The following NECAB1 variants were observed in gnomAD, a reference collection of about 807,000 sequenced individuals.
The protein encoded by NECAB1 is N-terminal EF-hand calcium-binding protein 1.
In NECAB1, 29 loss-of-function variants were observed where a neutral mutation model predicts 57.5. The ratio of observed to expected loss-of-function variants is 0.50; its 90% CI spans 0.38 to 0.69. The LOEUF is 0.69. NECAB1 is among the 30% of genes least tolerant of loss of function. The probability of loss-of-function intolerance (pLI) is 0.00; values close to 1 mark genes in which losing one functional copy is unlikely to be tolerated. For synonymous variants in NECAB1, 142 were observed against 147.7 expected (o/e 0.96, Z 0.28); for missense variants, 372 against 413.8 (o/e 0.90, Z 0.88).
At chr8:90,941,834 C>T (rs1281009941) in intron 10 of NECAB1, among the ~76,000 whole-genome samples, 1 of 152,226 alleles carries the variant, frequency 6.6e-6, no homozygotes, top group East Asian at 1.9e-4. Context: ...TGCACTGCCT[C>T]AAGTTCAGAG....
intron 3 of NECAB1, among the ~76,000 whole-genome samples, chr8:90,841,268 T>TAA (rs144396332): frequency 1.4e-5 from 2 of 140,484 alleles, no homozygotes; most frequent in Non-Finnish European, 3.2e-5. Context: ...TCAAAAAAAA[T>TAA]AAAAAAAAAA....
At chr8:90,937,208 T>C (rs1810559276) in intron 9 of NECAB1, among the ~76,000 whole-genome samples, 2 of 152,170 alleles carry the variant, frequency 1.3e-5, no homozygotes, top group South Asian at 4.1e-4. Flanking sequence ...AAAGCATCTT[T>C]AATGTGTTTG....
intron 1 of NECAB1, among the ~76,000 whole-genome samples, chr8:90,793,851 CA>C (rs1344272901): frequency 6.6e-5 from 10 of 152,328 alleles, no homozygotes; most frequent in African/African-American, 2.4e-4. Flanking sequence ...CTGACTCATA[CA>C]CCAGCCATTG....
chr8:90,854,502 A>C (rs1504795), intron 3 of NECAB1, among the ~76,000 whole-genome samples: 1 of 151,986 alleles, frequency 6.6e-6, no homozygotes, highest in Non-Finnish European at 1.5e-5. Context: ...AAAAATACCA[A>C]GGAATCCTGA....
intron 4 of NECAB1, among the ~76,000 whole-genome samples, chr8:90,874,532 T>G (rs1031104627): frequency 3.9e-5 from 6 of 152,210 alleles, no homozygotes; most frequent in African/African-American, 1.4e-4. Flanking sequence ...ACTTGGAACA[T>G]ATTCTTCCAG....
chr8:90,809,570 C>T (rs964057022), intron 2 of NECAB1, among the ~76,000 whole-genome samples: 1 of 152,180 alleles, frequency 6.6e-6, no homozygotes, highest in Non-Finnish European at 1.5e-5. Flanking sequence ...GAGATGAAGG[C>T]ATTTACTGAC....
intron 2 of NECAB1, among the ~76,000 whole-genome samples, chr8:90,808,344 A>C (rs1309554040): frequency 6.6e-6 from 1 of 152,146 alleles, no homozygotes; most frequent in Non-Finnish European, 1.5e-5. Flanking sequence ...CCTGCAATTT[A>C]ATCGTCTACT....
intron 10 of NECAB1, among the ~76,000 whole-genome samples, chr8:90,942,573 A>G (rs1265902831): frequency 6.6e-6 from 1 of 152,230 alleles, no homozygotes; most frequent in Admixed American, 6.5e-5. Context: ...GAGCCCACTC[A>G]TTTGAAAATA....
chr8:90,855,968 G>T (rs1481132075), intron 3 of NECAB1, among the ~76,000 whole-genome samples: 1 of 152,096 alleles, frequency 6.6e-6, no homozygotes, highest in Non-Finnish European at 1.5e-5. Context: ...TATGTTTGGG[G>T]GTAGGTAAAA....
intron 8 of NECAB1, among the ~76,000 whole-genome samples, chr8:90,929,074 C>A (rs1810345768): frequency 6.6e-6 from 1 of 152,132 alleles, no homozygotes; most frequent in African/African-American, 2.4e-5. Flanking sequence ...TAAAACTAAG[C>A]TATTCTCCTA....
intron 4 of NECAB1, among the ~76,000 whole-genome samples, chr8:90,879,355 C>A (rs1808796367): frequency 6.6e-6 from 1 of 151,232 alleles, no homozygotes; most frequent in Admixed American, 6.6e-5. Flanking sequence ...TGCTGTGTGG[C>A]CCAGGCTGGT....
chr8:90,792,606 C>T (rs1811594949), intron 1 of NECAB1, among the ~76,000 whole-genome samples: 1 of 152,186 alleles, frequency 6.6e-6, no homozygotes, highest in Non-Finnish European at 1.5e-5. Context: ...CTACTGTCAC[C>T]TCCATGAATT....
At chr8:90,937,101 T>C (rs1053327401) in intron 9 of NECAB1, among the ~76,000 whole-genome samples, 1 of 152,050 alleles carries the variant, frequency 6.6e-6, no homozygotes, top group African/African-American at 2.4e-5. Flanking sequence ...ACCTAACAAT[T>C]ATGCAGTGCT....
chr8:90,923,355 T>C lies in NECAB1; in HGVS notation c.495-2180T>C, dbSNP rs940436769. ...AGTGAGATGTGAAATCTCCTTCATA[T>C]ATTTTACTCCCAGAGTACTAACAAC... On this transcript the variant is annotated intron_variant, in intron 6 of 12. Coordinates refer to ENST00000417640, the MANE Select transcript of NECAB1 (RefSeq NM_022351.5). Among the ~76,000 whole-genome samples, 21 of 149,504 alleles carry C rather than the reference T, an allele frequency of 1.4e-4. No individual in the cohort carries two copies. In the Middle Eastern group the frequency reaches 0.01, roughly 73 times the overall value.
chr8:90,869,786 T>C (rs559860784), intron 3 of NECAB1, among the ~76,000 whole-genome samples: 1 of 152,156 alleles, frequency 6.6e-6, no homozygotes, highest in Non-Finnish European at 1.5e-5. Context: ...ACATTTGAGT[T>C]AACACTGAAA....
Position 90,925,526 on chromosome 8 carries a change from T to A in NECAB1, c.495-9T>A. ...ACATTAAGGTTAAATGTTATCTCTG[T>A]TGATCAAGGCAAGGGCCAGCCAAGC... On this transcript the variant is annotated splice_polypyrimidine_tract_variant and intron_variant, in intron 6 of 12. Coordinates refer to ENST00000417640, the MANE Select transcript of NECAB1 (RefSeq NM_022351.5). The A allele has an allele frequency of 6.2e-7, 1 of 1,611,476 alleles. No individual in the cohort carries two copies. The highest frequency in any genetic ancestry group is 1.1e-5 in the South Asian group (1 of 90,464).
chr8:90,819,860 A>C (rs1381142046), intron 2 of NECAB1, among the ~76,000 whole-genome samples: 1 of 151,422 alleles, frequency 6.6e-6, no homozygotes, highest in East Asian at 1.9e-4. Flanking sequence ...ATCTTTTTTT[A>C]GGGAGAACAT....
intron 1 of NECAB1, among the ~76,000 whole-genome samples, chr8:90,799,957 T>A (rs904023493): frequency 6.6e-6 from 1 of 152,350 alleles, no homozygotes; most frequent in South Asian, 2.1e-4. Context: ...TTTCCCCATT[T>A]GTTTCTGTCA....
chr8:90,841,550 G>A (rs936253542), intron 3 of NECAB1, among the ~76,000 whole-genome samples: 1 of 152,162 alleles, frequency 6.6e-6, no homozygotes, highest in African/African-American at 2.4e-5. Context: ...GGAGAATATT[G>A]GAGGCCACTT....
Sources: gnomAD v4.1 joint callset for allele counts (sites outside exome capture counted in the v4.1 genomes callset) on GRCh38, gnomAD v4.1.1 for gene constraint, MANE v1.5 for transcripts, NCBI Gene and HGNC (gene_info 2026-07-23, HGNC 2026-07-21) for gene names.